The following ATP9A variants were observed in gnomAD, a reference collection of about 807,000 sequenced individuals.
ATP9A encodes probable phospholipid-transporting ATPase IIA.
In ATP9A, 52 loss-of-function variants were observed where a neutral mutation model predicts 144.1. That is an observed-to-expected ratio of 0.36 (90% CI 0.29 to 0.45). The LOEUF is 0.45. Among genes scored for constraint, ATP9A ranks in the 20% least tolerant of loss-of-function variants. ATP9A has a pLI of 1.00. For missense variants in ATP9A, 947 were observed against 1,392.7 expected (o/e 0.68, Z 5.09); for synonymous variants, 582 against 557.4 (o/e 1.04, Z -0.62).
chr20:51,670,922 A>G (rs1455609013), intron 12 of ATP9A, among the ~76,000 whole-genome samples, 193 bp downstream of exon 12: 1 of 152,210 alleles, frequency 6.6e-6, no homozygotes, highest in Non-Finnish European at 1.5e-5. Flanking sequence ...GAAACTCCCC[A>G]GAATTGTATT....
At chr20:51,676,348 G>A in intron 9 of ATP9A, 140 bp from the exon 10 acceptor site, 1 of 628,984 alleles carries the variant, frequency 1.6e-6, no homozygotes, top group Non-Finnish European at 2.6e-6. Context: ...TGTTGCTCAT[G>A]CTGGAGTCTG....
intron 1 of ATP9A, among the ~76,000 whole-genome samples, chr20:51,763,590 G>C (rs979493376): frequency 6.6e-6 from 1 of 152,122 alleles, no homozygotes; most frequent in African/African-American, 2.4e-5. Context: ...TGGGATTACA[G>C]GAATGAGCCA....
chr20:51,635,963 G>A (rs1317545879), intron 15 of ATP9A, among the ~76,000 whole-genome samples: 4 of 152,028 alleles, frequency 2.6e-5, no homozygotes, highest in Non-Finnish European at 5.9e-5. Context: ...GCATTTCCCT[G>A]TAAGAAAGAC....
intron 14 of ATP9A, among the ~76,000 whole-genome samples, chr20:51,652,924 C>A (rs539205660): frequency 6.6e-6 from 1 of 151,862 alleles, no homozygotes; most frequent in African/African-American, 2.4e-5. Context: ...CTGGCTAACA[C>A]GGTGAAACCC....
chr20:51,675,047 G>A (rs6126293), intron 10 of ATP9A, among the ~76,000 whole-genome samples: 33,897 of 152,024 alleles, frequency 0.22, 4,552 homozygotes, highest in East Asian at 0.48. Flanking sequence ...CCTGGCCTCA[G>A]GTGATCCACC....
chr20:51,671,187 C>G lies in ATP9A; in HGVS notation c.1108G>C (p.Gly370Arg), dbSNP rs200746588. 1.2e-6 allele frequency: 2 copies of G among 1,613,916 alleles called. No individual in the cohort carries two copies. Among genetic ancestry groups the G allele is most frequent in the African/African-American group, 2.7e-5 (2 of 74,886 alleles). The change falls in exon 12 of 28, where the codon GGG becomes CGG. Residue 370 changes from glycine to arginine, a missense_variant. Transcript: ENST00000338821. ...WVIRRDSKIP[G>R]TVVRSSTIPE... is the part of the protein sequence containing the mutation. ...ATCGTGCTGGAGCGAACCACGGTCC[C>G]GGGGATTTTCGAGTCCCTTCGAATC...
chr20:51,730,911 A>G (rs62226745), intron 1 of ATP9A, among the ~76,000 whole-genome samples: 10,254 of 152,224 alleles, frequency 0.067, 775 homozygotes, highest in African/African-American at 0.19. Context: ...GTTTATGCCT[A>G]TAATCCCAAC....
chr20:51,713,887 A>G (rs182426018), intron 3 of ATP9A, among the ~76,000 whole-genome samples: 1 of 152,280 alleles, frequency 6.6e-6, no homozygotes, highest in Admixed American at 6.5e-5. Flanking sequence ...AAGGTGCTTC[A>G]GCCTATCTGT....
intron 15 of ATP9A, among the ~76,000 whole-genome samples, chr20:51,635,439 T>C (rs1440604299): frequency 6.6e-6 from 1 of 151,838 alleles, no homozygotes; most frequent in Non-Finnish European, 1.5e-5. Flanking sequence ...AGATAGCAAA[T>C]AGAAAACAGA....
rs1568785375 is a variant in ATP9A, at chr20:51,613,803, G to A, written c.2445C>T (p.Asp815=). ...KEGKQASLAA[D]FSITQFKHLG... Reference sequence around the variant, plus strand: ...GATGCTTAAATTGAGTGATGGAGAAGTCTGCAGCCAACGAAGCCTGTTTTC... The same window carrying A: ...GATGCTTAAATTGAGTGATGGAGAAATCTGCAGCCAACGAAGCCTGTTTTC... Residue 815 remains aspartate, a synonymous_variant, in exon 23 of 28, where the codon GAC becomes GAT. Transcript: ENST00000338821. 1 of 1,613,688 alleles carries A rather than the reference G, an allele frequency of 6.2e-7. No homozygotes were observed. The highest frequency in any genetic ancestry group is 8.5e-7 in the Non-Finnish European group (1 of 1,179,862).
At position 51,598,490 on chromosome 20, in the gene ATP9A, A is replaced by G. The variant is rs1301929386; in HGVS notation, c.*2721T>C. 1.3e-5 allele frequency: 2 copies of G among 152,120 alleles called. No individual in the cohort carries two copies. The highest frequency in any genetic ancestry group is 4.8e-5 in the African/African-American group (2 of 41,412). 9.4% of individuals were successfully genotyped at this position (152,120 alleles called of 1,614,324 possible). A position where few individuals can be genotyped will look rare whatever the true frequency, so the allele number is the denominator to read the frequency against. On this transcript the variant is annotated 3_prime_UTR_variant, in exon 28 of 28. Transcript: ENST00000338821. ...GACAGTGTCAATGGCGCTTTATGTA[A>G]GTTCTTTCCAGATTGATGAACCAAG...
At position 51,601,091 on chromosome 20, in the gene ATP9A, A is replaced by G; in HGVS notation, c.*120T>C. The G allele has an allele frequency of 1.6e-6, 2 of 1,280,062 alleles. No homozygotes were observed. Among genetic ancestry groups the G allele is most frequent in the Non-Finnish European group, 2.1e-6 (2 of 947,298 alleles). 79.3% of individuals were successfully genotyped at this position (1,280,062 alleles called of 1,614,324 possible). ...TTTAGGCGCAGAGCCACTTCCCATT[A>G]AAACTGCATGTGTTAGCAATTACTG... On this transcript the variant is annotated 3_prime_UTR_variant, in exon 28 of 28. Coordinates refer to ENST00000338821, the MANE Select transcript of ATP9A (RefSeq NM_006045.3).
At position 51,765,814 on chromosome 20, in the gene ATP9A, G is replaced by A. The variant is rs547000230; in HGVS notation, c.68+2488C>T. ...TCTACTAAAAATACAAAGATTAGCC[G>A]GGAGTGGTAGTGGGCACCTGTAATC... is the stretch of plus-strand genomic sequence containing the variant. On this transcript the variant is annotated intron_variant, in intron 1 of 27. Coordinates refer to ENST00000338821, the MANE Select transcript of ATP9A (RefSeq NM_006045.3). Among the ~76,000 whole-genome samples the A allele has an allele frequency of 3.9e-5, 6 of 152,076 alleles. No individual in the cohort carries two copies. The South Asian group carries it at 6.2e-4, about 16-fold the overall frequency.
rs575711337 is a variant in ATP9A at position 51,679,283 on chromosome 20, CACTGTACTCCAGCCTG to C, written c.800-3091_800-3076del. ...AGGTTGCAGTGAGCCGAGATCACGCCACTGTACTCCAGCCTGGGTGACGGAGTGACACTCTGTCAAG... is the reference window on the plus strand; with the variant it reads ...AGGTTGCAGTGAGCCGAGATCACGCCGGTGACGGAGTGACACTCTGTCAAG... On this transcript the variant is annotated intron_variant, in intron 9 of 27. Transcript: ENST00000338821. Among the ~76,000 whole-genome samples the C allele has an allele frequency of 5.5e-3, 837 of 152,292 alleles. 11 individuals carry two copies. Among genetic ancestry groups the C allele is most frequent in the African/African-American group, 0.019 (799 of 41,550 alleles).
At chr20:51,688,968 C>A in intron 9 of ATP9A, 96 bp downstream of exon 9, 1 of 1,304,212 alleles carries the variant, frequency 7.7e-7, no homozygotes, top group Non-Finnish European at 1.1e-6. Context: ...TTTGACCGAG[C>A]ACTCATTTTT....
At chr20:51,670,321 A>G (rs960611860) in intron 12 of ATP9A, among the ~76,000 whole-genome samples, 3 of 152,186 alleles carry the variant, frequency 2.0e-5, no homozygotes, top group Admixed American at 6.5e-5. Flanking sequence ...AGGGGAAATT[A>G]ACCACACCAT....
chr20:51,709,101 C>T (rs897882029), intron 4 of ATP9A, among the ~76,000 whole-genome samples: 3 of 152,138 alleles, frequency 2.0e-5, no homozygotes, highest in African/African-American at 7.2e-5. Context: ...ATAAGAGAAA[C>T]GTCCTTCAAG....
intron 13 of ATP9A, among the ~76,000 whole-genome samples, chr20:51,664,424 C>CA (rs1233353168): frequency 4.0e-5 from 6 of 151,736 alleles, no homozygotes; most frequent in African/African-American, 9.7e-5. Flanking sequence ...CCTCTCTCTA[C>CA]AAAAAATACA....
chr20:51,615,529 A>C (rs2077199934), intron 22 of ATP9A, among the ~76,000 whole-genome samples: 1 of 152,234 alleles, frequency 6.6e-6, no homozygotes. Flanking sequence ...ATATATACAC[A>C]CTCATAACCA....
Sources: allele counts gnomAD v4.1 joint callset (sites outside exome capture counted in the v4.1 genomes callset), GRCh38; gene constraint gnomAD v4.1.1; transcripts MANE v1.5; gene names NCBI Gene and HGNC (gene_info 2026-07-23, HGNC 2026-07-21).